UBE4B: variants seen among roughly 807,000 people sequenced by gnomAD.
The protein encoded by UBE4B is ubiquitination factor E4B.
Under a neutral mutation model 148.1 loss-of-function variants are expected in UBE4B, and 27 were observed. The ratio of observed to expected loss-of-function variants is 0.18; its 90% CI spans 0.13 to 0.25. The LOEUF (loss-of-function observed/expected upper bound fraction) is 0.25, where lower values mean the gene tolerates loss of function less well. UBE4B is among the 10% of genes least tolerant of loss of function. The pLI, the probability that UBE4B is intolerant of heterozygous loss-of-function variation, is 1.00. For missense variants in UBE4B, 1,170 were observed against 1,662.4 expected (o/e 0.70, Z 5.15); for synonymous variants, 596 against 619.3 (o/e 0.96, Z 0.56).
At chr1:10,164,793 A>G (rs1234221336) in intron 23 of UBE4B, among the ~76,000 whole-genome samples, 1 of 151,996 alleles carries the variant, frequency 6.6e-6, no homozygotes, top group Non-Finnish European at 1.5e-5. Context: ...CTTAGGCTTC[A>G]ATTTCTTTCC....
In UBE4B at chr1:10,168,821, G is replaced by A. The variant is rs185908972; in HGVS notation, c.3333+551G>A. ...GCAGGAGAATGGCGTGAACCCGGGA[G>A]GCAGAGCTGGCAGTGAGCCGAGATG... On this transcript the variant is annotated intron_variant, in intron 24 of 27. Coordinates refer to ENST00000343090, the MANE Select transcript of UBE4B (RefSeq NM_001105562.3). The surrounding 1 kb of genome is among the most constrained non-coding windows in gnomAD (Gnocchi z 4.9). 4.2e-3 allele frequency among the ~76,000 whole-genome samples: 643 copies of A among 151,872 alleles called. 3 individuals carry two copies. The highest frequency in any genetic ancestry group is 7.7e-3 in the Non-Finnish European group (524 of 67,938).
At chr1:10,107,167 C>G in intron 7 of UBE4B, 1 of 1,287,106 alleles carries the variant, frequency 7.8e-7, no homozygotes, top group South Asian at 1.2e-5. Context: ...AAAGCTTCTC[C>G]CCGTCTTGTT....
intron 1 of UBE4B, among the ~76,000 whole-genome samples, chr1:10,044,085 C>G (rs537662333): frequency 6.6e-6 from 1 of 151,990 alleles, no homozygotes; most frequent in Non-Finnish European, 1.5e-5. Flanking sequence ...GTTACTCACG[C>G]TGGAGTGCAG....
rs1184581322 is a variant in UBE4B, at chr1:10,178,671, G to T, written c.3553G>T (p.Glu1185Ter). 1.2e-6 allele frequency: 2 copies of T among 1,612,946 alleles called. No individual in the cohort carries two copies. Among genetic ancestry groups the T allele is most frequent in the Non-Finnish European group, 1.7e-6 (2 of 1,179,728 alleles). Residue 1185 changes from glutamate (E) to a stop codon, truncating the protein, a stop_gained, in exon 26 of 28, where the codon GAA becomes TAA. Transcript: ENST00000343090. LOFTEE classifies it high-confidence loss of function. ...QRSYSKELFE[E>*]VISKMRKAGI... is the part of the protein sequence containing the mutation. Reference sequence around the variant, plus strand: ...ATCCTACAGTAAGGAATTGTTTGAAGAAGTTATTTCAAAGATGCGGAAGGC... The same window carrying T: ...ATCCTACAGTAAGGAATTGTTTGAATAAGTTATTTCAAAGATGCGGAAGGC...
chr1:10,117,398 C>T, intron 7 of UBE4B, 61 bp from the exon 8 acceptor site: 1 of 1,602,312 alleles, frequency 6.2e-7, no homozygotes, highest in Non-Finnish European at 8.5e-7. Flanking sequence ...TGCAGAAATG[C>T]AAACTCTGCC....
At chr1:10,128,344 G>A (rs755151484) in intron 11 of UBE4B, 6 of 152,162 alleles carry the variant, frequency 3.9e-5, no homozygotes, top group African/African-American at 1.2e-4. Context: ...GCATAATAAC[G>A]AGGACACAGT....
In UBE4B at chr1:10,101,187, A is replaced by G. The variant is rs1320716836; in HGVS notation, c.427A>G (p.Ser143Gly). The change falls in exon 4 of 28, where the codon AGT (serine) becomes GGT (glycine). Residue 143 changes from serine (S) to glycine (G), a missense_variant. Physicochemically the swap from Ser to Gly is moderately conservative, Grantham distance 56. Transcript: ENST00000343090. The stretch of plus-strand genomic sequence containing the variant: ...TGATCGAAGAGAAAAGCGGAGCCTC[A>G]GTGATAAGGTTGGTAAGCGATGAAG... ...ENDRREKRSL[S>G]DKEPSSGPEV... 6.2e-7 allele frequency: 1 copy of G among 1,614,128 alleles called. No individual in the cohort carries two copies. The highest frequency in any genetic ancestry group is 8.5e-7 in the Non-Finnish European group (1 of 1,179,970).
intron 20 of UBE4B, among the ~76,000 whole-genome samples, chr1:10,150,328 T>C (rs1342366003): frequency 6.6e-6 from 1 of 152,168 alleles, no homozygotes; most frequent in Non-Finnish European, 1.5e-5. Flanking sequence ...TTTAAGCAAC[T>C]CAAGTCACAT....
At chr1:10,048,961 TTC>T (rs1416575257) in intron 1 of UBE4B, among the ~76,000 whole-genome samples, 1 of 152,218 alleles carries the variant, frequency 6.6e-6, no homozygotes, top group East Asian at 1.9e-4. Context: ...AACACTCTGT[TTC>T]TCTCTCTTTC....
chr1:10,159,438 C>T (rs1451348080), intron 22 of UBE4B, among the ~76,000 whole-genome samples: 4 of 152,106 alleles, frequency 2.6e-5, no homozygotes, highest in Non-Finnish European at 5.9e-5. Context: ...TTTGGGAGGC[C>T]GAGCAGGGCG....
chr1:10,179,074 G>A, intron 26 of UBE4B: 1 of 468,156 alleles, frequency 2.1e-6, no homozygotes, highest in Non-Finnish European at 3.7e-6. Flanking sequence ...CTTTGCAAGT[G>A]GGGATTCACA....
At position 10,180,019 on chromosome 1, in the gene UBE4B, G is replaced by T. The variant is rs931862957; in HGVS notation, c.*63G>T. ...GGCCAACGAGGCAAGCAGAAGCAGC[G>T]GCCGCAGCGAAGCTGCCGTTCATGT... On this transcript the variant is annotated 3_prime_UTR_variant, in exon 28 of 28. Coordinates refer to ENST00000343090, the MANE Select transcript of UBE4B (RefSeq NM_001105562.3). The T allele has an allele frequency of 6.2e-6, 10 of 1,603,980 alleles. No individual in the cohort carries two copies. In the East Asian group the frequency reaches 6.7e-5, roughly 11 times the overall value.
chr1:10,142,123 G>A (rs140758516), intron 17 of UBE4B, among the ~76,000 whole-genome samples: 1 of 151,872 alleles, frequency 6.6e-6, no homozygotes, highest in Non-Finnish European at 1.5e-5. Context: ...CAGGGATCAT[G>A]TATATAGCTG....
chr1:10,054,492 T>C (rs1351064897), intron 1 of UBE4B: 4 of 433,392 alleles, frequency 9.2e-6, no homozygotes, highest in Admixed American at 5.1e-5. Flanking sequence ...CTTCTTCCCA[T>C]TGGTTCTCAC....
At chr1:10,179,127 C>A (rs1646468791) in intron 26 of UBE4B, 1 of 482,532 alleles carries the variant, frequency 2.1e-6, no homozygotes, top group Non-Finnish European at 3.6e-6. Flanking sequence ...AGAATTCCAG[C>A]CTGCCGTCCT....
intron 17 of UBE4B, among the ~76,000 whole-genome samples, chr1:10,139,819 C>G (rs1645757483): frequency 6.6e-6 from 1 of 152,194 alleles, no homozygotes; most frequent in Non-Finnish European, 1.5e-5. Flanking sequence ...ACCTCTGCCT[C>G]CCAGGTTCAA....
intron 23 of UBE4B, among the ~76,000 whole-genome samples, chr1:10,162,913 C>T (rs1383101587): frequency 6.6e-6 from 1 of 152,120 alleles, no homozygotes; most frequent in Non-Finnish European, 1.5e-5. Context: ...TGAGTAAGGT[C>T]CTATCCAAAT....
chr1:10,046,657 C>G (rs1218359333), intron 1 of UBE4B, among the ~76,000 whole-genome samples: 1 of 152,164 alleles, frequency 6.6e-6, no homozygotes, highest in African/African-American at 2.4e-5. Flanking sequence ...TCTGTAGCCT[C>G]TGACTTTATT....
At chr1:10,076,727 T>C (rs1325974223) in intron 2 of UBE4B, among the ~76,000 whole-genome samples, 1 of 149,572 alleles carries the variant, frequency 6.7e-6, no homozygotes, top group Non-Finnish European at 1.5e-5. Context: ...GCTTCTCCCA[T>C]CTGCAGTCCC....
Sources: gnomAD v4.1 joint callset for allele counts (sites outside exome capture counted in the v4.1 genomes callset) on GRCh38, gnomAD v4.1.1 for gene constraint, Gnocchi (gnomAD v3.1) non-coding constraint, MANE v1.5 for transcripts, NCBI Gene and HGNC (gene_info 2026-07-23, HGNC 2026-07-21) for gene names.